Variants in RBFOX3 observed in about 807,000 individuals in gnomAD.
The protein encoded by RBFOX3 is RNA binding protein fox-1 homolog 3.
RBFOX3 carries 17 observed loss-of-function variants against 48.7 expected under a neutral mutation model. The ratio of observed to expected loss-of-function variants is 0.35; its 90% CI spans 0.24 to 0.52. The LOEUF is 0.52. Ranked by LOEUF, RBFOX3 falls within the 20% of genes least tolerant of loss-of-function variation. RBFOX3 has a pLI of 0.94. For synonymous variants in RBFOX3, 212 were observed against 209.5 expected, an observed-to-expected ratio of 1.01 and a Z score of -0.10; for missense variants, 382 against 497.5, an observed-to-expected ratio of 0.77 and a Z score of 2.21.
At position 79,242,357 on chromosome 17, in the gene RBFOX3, G is replaced by T. The variant is rs978036179; in HGVS notation, c.-73-6552C>A. 1.3e-5 allele frequency among the ~76,000 whole-genome samples: 2 copies of T among 152,172 alleles called. No individual in the cohort carries two copies. Among genetic ancestry groups the T allele is most frequent in the Non-Finnish European group, 2.9e-5 (2 of 68,044 alleles). The stretch of plus-strand genomic sequence containing the variant: ...TGTGCTCTTTCCCTAAGGGGAGCTG[G>T]AGGTGAAGGGTGCAATTTTATAAAT... On this transcript the variant is annotated intron_variant, in intron 3 of 14. Transcript: ENST00000693108. This position sits in a 1 kb window ranked among gnomAD's most constrained non-coding sequence, Gnocchi z 5.8.
intron 3 of RBFOX3, among the ~76,000 whole-genome samples, chr17:79,300,029 C>T (rs1364245805): frequency 6.6e-6 from 1 of 152,168 alleles, no homozygotes; most frequent in Non-Finnish European, 1.5e-5. Flanking sequence ...CTCAGCCTCC[C>T]GAGTGGCTGG....
At chr17:79,653,344 T>C in the RBFOX3 span, among the ~76,000 whole-genome samples, 735 of 152,260 alleles carry the variant, frequency 4.8e-3, 8 homozygotes, top group African/African-American at 0.017. Context: ...AGGGCTAAGA[T>C]GTGTTGACTA....
intron 3 of RBFOX3, among the ~76,000 whole-genome samples, chr17:79,286,251 C>G (rs886429157): frequency 2.6e-5 from 4 of 152,218 alleles, no homozygotes; most frequent in African/African-American, 9.7e-5. Flanking sequence ...CTGGAACTTT[C>G]TAGGACTTTC....
At chr17:79,094,323 G>A (rs991040610) in intron 14 of RBFOX3, 128 bp downstream of exon 14, 14 of 612,274 alleles carry the variant, frequency 2.3e-5, no homozygotes, top group Admixed American at 7.9e-5. Flanking sequence ...CATCCAGGCC[G>A]TGGTCCTTCC....
At position 79,397,930 on chromosome 17, in the gene RBFOX3, C is replaced by T. The variant is rs139752260; in HGVS notation, c.-175+84524G>A. ...TTTTCCGTCCTGGATCACCGTGAGACGCCGTCACGAATCTGTCCGGCGGCG... is the reference window on the plus strand; with the variant it reads ...TTTTCCGTCCTGGATCACCGTGAGATGCCGTCACGAATCTGTCCGGCGGCG... On this transcript the variant is annotated intron_variant, in intron 2 of 14. Coordinates refer to ENST00000693108, the MANE Select transcript of RBFOX3 (RefSeq NM_001350451.2). Among the ~76,000 whole-genome samples, 25 of 152,212 alleles carry T rather than the reference C, an allele frequency of 1.6e-4. No individual in the cohort carries two copies. The East Asian group carries it at 4.5e-3, about 27-fold the overall frequency.
intron 3 of RBFOX3, among the ~76,000 whole-genome samples, chr17:79,282,941 C>T (rs932758185): frequency 2.0e-5 from 3 of 152,240 alleles, no homozygotes; most frequent in African/African-American, 4.8e-5. Context: ...GTTTGAGCCA[C>T]CCAGCCAGTG....
At chr17:79,398,649 C>G (rs574595921) in intron 2 of RBFOX3, among the ~76,000 whole-genome samples, 1 of 152,204 alleles carries the variant, frequency 6.6e-6, no homozygotes, top group Admixed American at 6.5e-5. Context: ...CCGTGGGCGA[C>G]GATGCGGCTC....
rs146971200 is a variant in RBFOX3 at position 79,213,764 on chromosome 17, C to T, written c.-34+22002G>A. On this transcript the variant is annotated intron_variant, in intron 4 of 14. Transcript: ENST00000693108. The stretch of plus-strand genomic sequence containing the variant: ...CTAAAATCTCTCCTCCTCTCTTGGA[C>T]TCCCACCAGATATAACTTTGGGAAC... Among the ~76,000 whole-genome samples, 7 of 152,368 alleles carry T rather than the reference C, an allele frequency of 4.6e-5. No individual in the cohort carries two copies. The East Asian group carries it at 5.8e-4, about 13-fold the overall frequency.
At chr17:79,611,169 T>TCTCTCTCTCTCTCTCTCG, upstream of RBFOX3, among the ~76,000 whole-genome samples, 185 of 25,918 alleles carry the variant, frequency 7.1e-3, 50 homozygotes, top group South Asian at 0.014. Context: ...TCTCTCTCTC[T>TCTCTCTCTCTCTCTCTCG]CTCTCCGCCC....
In RBFOX3 at chr17:79,362,049, C is replaced by T. The variant is rs72849699; in HGVS notation, c.-174-54225G>A. Among the ~76,000 whole-genome samples the T allele has an allele frequency of 0.13, 20,422 of 152,188 alleles. 1,701 individuals are homozygous for T. The highest frequency in any genetic ancestry group is 0.2 in the Middle Eastern group (60 of 294). ...TTGGACGAATGTTCCCTGCCTGCTG[C>T]GTATTTACTCAGTCATCAAAGCGCA... On this transcript the variant is annotated intron_variant, in intron 2 of 14. Coordinates refer to ENST00000693108, the MANE Select transcript of RBFOX3 (RefSeq NM_001350451.2). This position sits in a 1 kb window ranked among gnomAD's most constrained non-coding sequence, Gnocchi z 4.2.
chr17:79,317,971 G>A (rs551305452), intron 2 of RBFOX3, among the ~76,000 whole-genome samples: 68 of 152,250 alleles, frequency 4.5e-4, no homozygotes, highest in African/African-American at 1.5e-3. Context: ...AGTTAAGCTT[G>A]CCGCTTCATC....
At chr17:79,427,988 C>T (rs1555726475) in intron 2 of RBFOX3, among the ~76,000 whole-genome samples, 2 of 152,218 alleles carry the variant, frequency 1.3e-5, no homozygotes, top group South Asian at 2.1e-4. Context: ...CTTCACCTGA[C>T]GTGGCCACCA....
intron 2 of RBFOX3, among the ~76,000 whole-genome samples, chr17:79,420,218 GT>G (rs2066083654): frequency 6.6e-6 from 1 of 151,036 alleles, no homozygotes; most frequent in Admixed American, 6.6e-5. Flanking sequence ...CAAATCTGAT[GT>G]TTAAAAAACA....
At chr17:79,575,985 C>T (rs1383416122) in intron 1 of RBFOX3, among the ~76,000 whole-genome samples, 1 of 152,188 alleles carries the variant, frequency 6.6e-6, no homozygotes, top group Non-Finnish European at 1.5e-5. Flanking sequence ...CATGGCCAGG[C>T]CATAGTCTCT....
intron 1 of RBFOX3, among the ~76,000 whole-genome samples, chr17:79,595,027 A>G (rs1391498435): frequency 6.6e-6 from 1 of 152,166 alleles, no homozygotes; most frequent in African/African-American, 2.4e-5. Flanking sequence ...GTGCTGACCA[A>G]GAACGGAGCC....
chr17:79,141,540 T>A (rs1298801301), intron 4 of RBFOX3, among the ~76,000 whole-genome samples: 1 of 151,934 alleles, frequency 6.6e-6, no homozygotes, highest in Non-Finnish European at 1.5e-5. Flanking sequence ...ACACAGCACA[T>A]CAGCAGGGGA....
At chr17:79,654,935 G>A in the RBFOX3 span, among the ~76,000 whole-genome samples, 3 of 152,186 alleles carry the variant, frequency 2.0e-5, no homozygotes, top group African/African-American at 4.8e-5. Flanking sequence ...ATCTGACTCC[G>A]CGGAAGGACA....
intron 1 of RBFOX3, among the ~76,000 whole-genome samples, chr17:79,509,131 C>T (rs1182247271): frequency 1.3e-5 from 2 of 151,924 alleles, no homozygotes; most frequent in Non-Finnish European, 2.9e-5. Context: ...GGGCCCCGGC[C>T]CTGGGGTCTA....
intron 1 of RBFOX3, among the ~76,000 whole-genome samples, chr17:79,510,505 G>T (rs1248297528): frequency 6.6e-6 from 1 of 152,206 alleles, no homozygotes; most frequent in Non-Finnish European, 1.5e-5. Context: ...AGGGAGAGGG[G>T]CACCGTGCCT....
Sources: allele counts gnomAD v4.1 joint callset (sites outside exome capture counted in the v4.1 genomes callset), GRCh38; gene constraint gnomAD v4.1.1; non-coding constraint Gnocchi (gnomAD v3.1); transcripts MANE v1.5; gene names NCBI Gene and HGNC (gene_info 2026-07-23, HGNC 2026-07-21).